TSHZ2: variants seen among roughly 807,000 people sequenced by gnomAD.
The protein encoded by TSHZ2 is teashirt homolog 2.
In TSHZ2, 21 loss-of-function variants were observed where a neutral mutation model predicts 74.4. The observed-to-expected ratio is 0.28, with a 90% confidence interval of 0.20 to 0.41. The LOEUF is 0.41. Among genes scored for constraint, TSHZ2 ranks in the 10% least tolerant of loss-of-function variants. The pLI is 1.00. For missense variants in TSHZ2, 1,244 were observed against 1,293.5 expected (o/e 0.96, Z 0.59); for synonymous variants, 540 against 515.3 (o/e 1.05, Z -0.65).
intron 1 of TSHZ2, among the ~76,000 whole-genome samples, chr20:53,025,714 C>A (rs1983413864): frequency 6.6e-6 from 1 of 152,170 alleles, no homozygotes; most frequent in African/African-American, 2.4e-5. Flanking sequence ...GATATAAATT[C>A]AATTTCTTAT....
chr20:53,163,695 G>A (rs1357053479), intron 1 of TSHZ2, among the ~76,000 whole-genome samples: 1 of 152,034 alleles, frequency 6.6e-6, no homozygotes, highest in East Asian at 1.9e-4. Flanking sequence ...CCACAAGCCT[G>A]CCAGAAATCA....
intron 1 of TSHZ2, among the ~76,000 whole-genome samples, chr20:52,980,238 G>A (rs1048474181): frequency 2.0e-5 from 3 of 152,170 alleles, no homozygotes; most frequent in Admixed American, 6.5e-5. Context: ...ACAGCATTGC[G>A]TTTTAGCTAA....
chr20:53,290,752 G>C (rs933600772), intron 2 of TSHZ2, among the ~76,000 whole-genome samples: 15 of 152,158 alleles, frequency 9.9e-5, no homozygotes, highest in Admixed American at 1.3e-4. Flanking sequence ...TAAGGCCAAG[G>C]CTAGACCTGT....
chr20:53,292,912 A>G (rs1008286114), intron 2 of TSHZ2, among the ~76,000 whole-genome samples: 1 of 152,230 alleles, frequency 6.6e-6, no homozygotes, highest in Non-Finnish European at 1.5e-5. Flanking sequence ...AGTCACATGC[A>G]TCTAACACTA....
intron 1 of TSHZ2, among the ~76,000 whole-genome samples, chr20:53,047,986 A>G (rs1319788866): frequency 6.6e-6 from 1 of 152,204 alleles, no homozygotes; most frequent in Admixed American, 6.5e-5. Context: ...GATGTGGCCA[A>G]GTTAGTAAAC....
intron 1 of TSHZ2, among the ~76,000 whole-genome samples, chr20:53,062,068 G>C (rs985039343): frequency 1.3e-5 from 2 of 152,154 alleles, no homozygotes; most frequent in African/African-American, 4.8e-5. Flanking sequence ...TCTATGAAGA[G>C]ATGTGTTTTT....
At chr20:53,118,953 C>G (rs775227880) in intron 1 of TSHZ2, among the ~76,000 whole-genome samples, 3 of 151,786 alleles carry the variant, frequency 2.0e-5, no homozygotes, top group Non-Finnish European at 2.9e-5. Context: ...GAAGTGGGAG[C>G]GAGAGGGAGA....
chr20:53,001,230 G>GTGTGTATA (rs755040371), intron 1 of TSHZ2, among the ~76,000 whole-genome samples: 1 of 126,114 alleles, frequency 7.9e-6, no homozygotes, highest in African/African-American at 3.0e-5. Context: ...GTGTGTGTGT[G>GTGTGTATA]TGTGTGTGTG....
chr20:52,997,748 T>C (rs1212311905), intron 1 of TSHZ2, among the ~76,000 whole-genome samples: 2 of 152,178 alleles, frequency 1.3e-5, no homozygotes, highest in East Asian at 1.9e-4. Flanking sequence ...ACTAAATCTT[T>C]GTGGCTTCCA....
chr20:53,052,017 A>G (rs1277531917), intron 1 of TSHZ2, among the ~76,000 whole-genome samples: 1 of 152,118 alleles, frequency 6.6e-6, no homozygotes, highest in African/African-American at 2.4e-5. Flanking sequence ...CATCTGGAAC[A>G]TTGTTAAGTA....
At chr20:53,461,317 C>T (rs1985360857) in intron 2 of TSHZ2, among the ~76,000 whole-genome samples, 1 of 152,258 alleles carries the variant, frequency 6.6e-6, no homozygotes, top group Admixed American at 6.5e-5. Flanking sequence ...GTGCGTCCGT[C>T]ACCCTTTTCT....
At chr20:53,369,141 T>A (rs1981377629) in intron 2 of TSHZ2, among the ~76,000 whole-genome samples, 1 of 152,104 alleles carries the variant, frequency 6.6e-6, no homozygotes, top group South Asian at 2.1e-4. Context: ...GGTGCACACC[T>A]GTAGTCCCAG....
intron 1 of TSHZ2, among the ~76,000 whole-genome samples, chr20:53,153,728 G>A (rs1458962346): frequency 6.6e-6 from 1 of 152,036 alleles, no homozygotes; most frequent in Non-Finnish European, 1.5e-5. Context: ...TTGCCCAACT[G>A]GAGCCATTAG....
At chr20:53,337,190 A>G (rs1979986253) in intron 2 of TSHZ2, among the ~76,000 whole-genome samples, 2 of 152,230 alleles carry the variant, frequency 1.3e-5, no homozygotes, top group African/African-American at 2.4e-5. Context: ...TTTGGGCCTT[A>G]TTCAACGGAT....
At chr20:53,328,308 G>A (rs576771027) in intron 2 of TSHZ2, among the ~76,000 whole-genome samples, 2 of 152,310 alleles carry the variant, frequency 1.3e-5, no homozygotes, top group African/African-American at 4.8e-5. Context: ...AAATTGAGAA[G>A]GTCGTGGAAA....
chr20:53,155,299 A>C (rs1407667839), intron 1 of TSHZ2, among the ~76,000 whole-genome samples: 2 of 152,054 alleles, frequency 1.3e-5, no homozygotes, highest in African/African-American at 4.8e-5. Context: ...AAAAGGTAGG[A>C]GTGGTGTTTA....
chr20:53,110,469 C>G (rs2123321040), intron 1 of TSHZ2, among the ~76,000 whole-genome samples: 1 of 151,960 alleles, frequency 6.6e-6, no homozygotes. Flanking sequence ...ATCTGGAATT[C>G]TAAAAGGAAA....
intron 2 of TSHZ2, among the ~76,000 whole-genome samples, chr20:53,368,866 G>C (rs900750582): frequency 1.3e-5 from 2 of 152,204 alleles, no homozygotes; most frequent in Non-Finnish European, 2.9e-5. Flanking sequence ...TGTTCTCAGA[G>C]AGTTCTTATT....
rs778096115 is a variant in TSHZ2, at chr20:53,253,840, G to C, written c.382G>C (p.Val128Leu). The change falls in exon 2 of 3, where the codon GTC becomes CTC. Residue 128 changes from valine to leucine, a missense_variant. Val to Leu is a conservative substitution (Grantham distance 32, BLOSUM62 1). This residue lies in a region of TSHZ2 where 470 missense variants were observed against 456.5 expected (regional missense o/e 1.03). Transcript: ENST00000371497. ...AHNCMDKMTA[V>L]YANILSDSYW... ...CAATTGCATGGATAAAATGACCGCT[G>C]TCTACGCCAACATCCTGTCGGATTC... 76 of 1,614,198 alleles carry C rather than the reference G, an allele frequency of 4.7e-5. No homozygotes were observed. Among genetic ancestry groups the C allele is most frequent in the Non-Finnish European group, 6.1e-5 (72 of 1,180,044 alleles).
Sources: allele counts gnomAD v4.1 joint callset (sites outside exome capture counted in the v4.1 genomes callset), GRCh38; gene constraint gnomAD v4.1.1; regional missense constraint gnomAD v4.1.1; transcripts MANE v1.5; gene names NCBI Gene and HGNC (gene_info 2026-07-23, HGNC 2026-07-21).